DOCK1: variants seen among roughly 807,000 people sequenced by gnomAD.
DOCK1 encodes the protein dedicator of cytokinesis protein 1.
A neutral mutation model predicts 262.7 loss-of-function variants in DOCK1; 138 were observed. That is an observed-to-expected ratio of 0.53 (90% confidence interval 0.46 to 0.61). DOCK1 has a LOEUF of 0.61. Ranked by LOEUF, DOCK1 falls within the 20% of genes least tolerant of loss-of-function variation. The probability of loss-of-function intolerance (pLI) is 0.00; values close to 1 mark genes in which losing one functional copy is unlikely to be tolerated. For synonymous variants in DOCK1, 866 were observed against 867.4 expected, an observed-to-expected ratio of 1.00 and a Z score of 0.03; for missense variants, 1,908 against 2,370.7, an observed-to-expected ratio of 0.80 and a Z score of 4.05.
chr10:127,336,857 ATTT>A (rs2063225707), intron 29 of DOCK1, among the ~76,000 whole-genome samples: 1 of 152,204 alleles, frequency 6.6e-6, no homozygotes, highest in Non-Finnish European at 1.5e-5. Context: ...TCTTTAAGTC[ATTT>A]TGAGAACTGT....
chr10:126,987,300 C>T (rs143432769), intron 4 of DOCK1, among the ~76,000 whole-genome samples: 18 of 152,290 alleles, frequency 1.2e-4, no homozygotes, highest in East Asian at 3.9e-4. Flanking sequence ...GGATGGCTTA[C>T]GTGCAGGGTA....
intron 28 of DOCK1, among the ~76,000 whole-genome samples, chr10:127,249,589 T>C (rs1289977665): frequency 1.3e-5 from 2 of 152,104 alleles, no homozygotes; most frequent in African/African-American, 2.4e-5. Context: ...CTAGGCTAGA[T>C]GGTCTAGCCT....
chr10:127,170,872 A>G (rs538679197), intron 27 of DOCK1, among the ~76,000 whole-genome samples: 2 of 152,370 alleles, frequency 1.3e-5, no homozygotes, highest in Admixed American at 1.3e-4. Flanking sequence ...AATTCTTGGC[A>G]TTCATGCAAG....
chr10:127,236,513 T>TTG (rs2059066761), intron 27 of DOCK1, among the ~76,000 whole-genome samples: 4 of 140,944 alleles, frequency 2.8e-5, no homozygotes, highest in African/African-American at 1.1e-4. Context: ...TTTTTTTTTT[T>TTG]TTTTTTTTTT....
chr10:127,004,754 A>ACCC (rs2040868251), intron 10 of DOCK1, among the ~76,000 whole-genome samples: 1 of 106,594 alleles, frequency 9.4e-6, no homozygotes, highest in Non-Finnish European at 2.0e-5. Flanking sequence ...GTCCCCCCCA[A>ACCC]CGGCCCCCTG....
At chr10:127,447,624 G>C (rs2070670254) in intron 51 of DOCK1, 79 bp downstream of exon 51, 1 of 1,551,612 alleles carries the variant, frequency 6.4e-7, no homozygotes. Flanking sequence ...CCAGATACTA[G>C]CAGGTTTACT....
intron 29 of DOCK1, among the ~76,000 whole-genome samples, chr10:127,284,055 T>C (rs2061059489): frequency 6.6e-6 from 1 of 152,240 alleles, no homozygotes; most frequent in Admixed American, 6.5e-5. Flanking sequence ...TTTTCATGTC[T>C]TCAGTGATTT....
At chr10:127,382,345 G>A (rs1029459373) in intron 37 of DOCK1, among the ~76,000 whole-genome samples, 4 of 152,182 alleles carry the variant, frequency 2.6e-5, no homozygotes, top group Admixed American at 6.5e-5. Context: ...TCTTTGGCCC[G>A]ATCCTGAAAT....
At chr10:127,061,490 C>G (rs1471868536) in intron 22 of DOCK1, among the ~76,000 whole-genome samples, 178 bp from the exon 23 acceptor site, 1 of 152,246 alleles carries the variant, frequency 6.6e-6, no homozygotes, top group Admixed American at 6.5e-5. Context: ...GCTGCCTTGG[C>G]TGAGTGGTCT....
intron 11 of DOCK1, among the ~76,000 whole-genome samples, chr10:127,009,762 G>A (rs552503921): frequency 2.2e-4 from 33 of 152,198 alleles, no homozygotes; most frequent in Middle Eastern, 3.4e-3. Flanking sequence ...TTTAGGAGGC[G>A]GGTAGTAATT....
intron 28 of DOCK1, among the ~76,000 whole-genome samples, chr10:127,253,745 T>C (rs11016969): frequency 0.33 from 50,507 of 151,504 alleles, 9,692 homozygotes; most frequent in South Asian, 0.57. Flanking sequence ...TATGATAGCT[T>C]ATGCCTGTAG....
intron 1 of DOCK1, among the ~76,000 whole-genome samples, chr10:126,925,477 G>A (rs542621363): frequency 1.2e-3 from 182 of 152,252 alleles, no homozygotes; most frequent in African/African-American, 4.1e-3. Flanking sequence ...TCTGCCTCTC[G>A]GGTTCAAGCA....
chr10:127,228,030 T>C (rs1212336281), intron 27 of DOCK1, among the ~76,000 whole-genome samples: 1 of 152,220 alleles, frequency 6.6e-6, no homozygotes, highest in Non-Finnish European at 1.5e-5. Context: ...TCTTCCCCAT[T>C]GCCTCTAAAC....
intron 37 of DOCK1, among the ~76,000 whole-genome samples, chr10:127,381,583 C>T (rs1361132842): frequency 6.6e-6 from 1 of 152,198 alleles, no homozygotes; most frequent in Non-Finnish European, 1.5e-5. Context: ...GATGTCATAG[C>T]AGGTGATCAC....
chr10:127,019,522 G>C (rs1396792009), intron 13 of DOCK1, among the ~76,000 whole-genome samples: 1 of 133,528 alleles, frequency 7.5e-6, no homozygotes, highest in African/African-American at 2.9e-5. Context: ...TTCGAGGCGG[G>C]GGGATCACTT....
At chr10:127,352,464 T>A (rs2133855702) in intron 31 of DOCK1, among the ~76,000 whole-genome samples, 1 of 152,278 alleles carries the variant, frequency 6.6e-6, no homozygotes, top group African/African-American at 2.4e-5. Context: ...GAGTATCATG[T>A]ACTTTAGGAT....
intron 11 of DOCK1, among the ~76,000 whole-genome samples, chr10:127,010,593 A>G (rs1471110049): frequency 1.3e-5 from 2 of 152,218 alleles, no homozygotes; most frequent in South Asian, 2.1e-4. Context: ...TACATAGCAC[A>G]TCTCCAGCAC....
chr10:126,972,104 C>G (rs1421208969), intron 2 of DOCK1, among the ~76,000 whole-genome samples: 1 of 151,862 alleles, frequency 6.6e-6, no homozygotes, highest in Non-Finnish European at 1.5e-5. Context: ...TTAGTAGTGA[C>G]GGGGTTTCTC....
chr10:126,936,114 G>T (rs2034543020), intron 1 of DOCK1, among the ~76,000 whole-genome samples: 1 of 152,124 alleles, frequency 6.6e-6, no homozygotes, highest in African/African-American at 2.4e-5. Flanking sequence ...CCCAGTAATT[G>T]GGACTACAGG....
Sources: allele counts gnomAD v4.1 joint callset (sites outside exome capture counted in the v4.1 genomes callset), GRCh38; gene constraint gnomAD v4.1.1; transcripts MANE v1.5; gene names NCBI Gene and HGNC (gene_info 2026-07-23, HGNC 2026-07-21).